PRKN: variants seen among roughly 807,000 people sequenced by gnomAD.
PRKN encodes parkin RBR E3 ubiquitin protein ligase.
PRKN carries 56 observed loss-of-function variants against 59.5 expected under a neutral mutation model. The ratio of observed to expected loss-of-function variants is 0.94; its 90% CI spans 0.76 to 1.18. The LOEUF (loss-of-function observed/expected upper bound fraction) is 1.18, where lower values mean the gene tolerates loss of function less well. PRKN is among the 50% of genes most tolerant of loss of function. The probability of loss-of-function intolerance (pLI) is 0.00; values close to 1 mark genes in which losing one functional copy is unlikely to be tolerated. For missense variants in PRKN, 657 were observed against 596.4 expected, an observed-to-expected ratio of 1.10 and a Z score of -1.06; for synonymous variants, 250 against 222.1, an observed-to-expected ratio of 1.13 and a Z score of -1.12.
chr6:161,899,731 C>T (rs1326745299), intron 6 of PRKN, among the ~76,000 whole-genome samples: 3 of 152,194 alleles, frequency 2.0e-5, no homozygotes, highest in South Asian at 4.1e-4. Flanking sequence ...TATTTTTCTC[C>T]AGTCATCTAC....
intron 4 of PRKN, among the ~76,000 whole-genome samples, chr6:162,086,094 A>T (rs1779235296): frequency 6.6e-6 from 1 of 152,176 alleles, no homozygotes; most frequent in Non-Finnish European, 1.5e-5. Flanking sequence ...AGCAGCTCAC[A>T]ATTAATGTAC....
intron 1 of PRKN, among the ~76,000 whole-genome samples, chr6:162,699,498 G>A (rs1474929278): frequency 6.6e-6 from 1 of 152,106 alleles, no homozygotes; most frequent in Non-Finnish European, 1.5e-5. Flanking sequence ...AATCAAAAGA[G>A]CTTAAGCTTA....
At chr6:161,638,738 A>ATTTT (rs386409169) in intron 7 of PRKN, among the ~76,000 whole-genome samples, 21,002 of 99,744 alleles carry the variant, frequency 0.21, 3,445 homozygotes, top group African/African-American at 0.27. Flanking sequence ...ACGAGATCTG[A>ATTTT]TTTTTTTTTT....
intron 7 of PRKN, among the ~76,000 whole-genome samples, chr6:161,701,627 T>A (rs1226435441): frequency 2.0e-5 from 3 of 152,178 alleles, no homozygotes; most frequent in Non-Finnish European, 2.9e-5. Flanking sequence ...AGACAATCAA[T>A]TAAAAATTTA....
rs138505415 is a variant in PRKN at position 161,360,932 on chromosome 6, A to G, written c.1168-727T>C. Reference sequence around the variant, plus strand: ...ATGAAACACCTTGTGCATTGGGGGTATGGAGGATTCTATGAGTTAATTTCT... The same window carrying G: ...ATGAAACACCTTGTGCATTGGGGGTGTGGAGGATTCTATGAGTTAATTTCT... On this transcript the variant is annotated intron_variant, in intron 10 of 11. Transcript: ENST00000366898. The surrounding 1 kb of genome is among the most constrained non-coding windows in gnomAD (Gnocchi z 5.1). Among the ~76,000 whole-genome samples, 200 of 152,264 alleles carry G rather than the reference A, an allele frequency of 1.3e-3. 1 individual carries two copies. The highest frequency in any genetic ancestry group is 2.3e-3 in the Non-Finnish European group (158 of 68,024).
chr6:162,141,594 T>C (rs1025810723), intron 4 of PRKN, among the ~76,000 whole-genome samples: 3 of 152,208 alleles, frequency 2.0e-5, no homozygotes, highest in African/African-American at 7.2e-5. Context: ...AAAGAAAACA[T>C]GCTTGATTTG....
At chr6:162,387,693 G>A (rs1262345213) in intron 2 of PRKN, among the ~76,000 whole-genome samples, 2 of 152,028 alleles carry the variant, frequency 1.3e-5, no homozygotes, top group African/African-American at 4.8e-5. Flanking sequence ...ACTTAAAAGT[G>A]GAATCAACAG....
intron 7 of PRKN, among the ~76,000 whole-genome samples, chr6:161,664,278 G>A (rs1429191550): frequency 1.3e-5 from 2 of 152,196 alleles, no homozygotes; most frequent in Non-Finnish European, 2.9e-5. Context: ...AATGTATTGG[G>A]TAGAGATGAG....
At chr6:162,584,121 G>C (rs1171772097) in intron 1 of PRKN, among the ~76,000 whole-genome samples, 1 of 151,608 alleles carries the variant, frequency 6.6e-6, no homozygotes, top group Non-Finnish European at 1.5e-5. Flanking sequence ...GCTGAGGCAG[G>C]AGAATGGTGT....
intron 1 of PRKN, among the ~76,000 whole-genome samples, chr6:162,711,962 G>A (rs1562517524): frequency 6.6e-6 from 1 of 152,162 alleles, no homozygotes; most frequent in Non-Finnish European, 1.5e-5. Context: ...AGAGATTCTG[G>A]TCGGGGAAGG....
intron 1 of PRKN, among the ~76,000 whole-genome samples, chr6:162,713,143 G>A (rs1208327528): frequency 1.3e-5 from 2 of 152,186 alleles, no homozygotes; most frequent in African/African-American, 4.8e-5. Context: ...GAATCAATCA[G>A]TCAAATAAAC....
intron 6 of PRKN, among the ~76,000 whole-genome samples, chr6:161,854,083 A>C (rs374897642): frequency 8.2e-6 from 1 of 122,436 alleles, no homozygotes; most frequent in Non-Finnish European, 1.8e-5. Context: ...CTGTTTCTAC[A>C]TAAAAAAAAA....
intron 2 of PRKN, among the ~76,000 whole-genome samples, chr6:162,346,453 CAAA>C (rs1554302783): frequency 2.0e-5 from 1 of 50,650 alleles, no homozygotes; most frequent in East Asian, 4.2e-4. Flanking sequence ...TCTGTCTCTA[CAAA>C]AAAAAAAAAA....
chr6:162,060,399 G>A (rs1778050752), intron 4 of PRKN, among the ~76,000 whole-genome samples: 1 of 152,178 alleles, frequency 6.6e-6, no homozygotes, highest in South Asian at 2.1e-4. Context: ...TAATGTTACT[G>A]TCTATAGAAA....
intron 7 of PRKN, among the ~76,000 whole-genome samples, chr6:161,728,244 G>GA (rs34388276): frequency 0.19 from 27,577 of 145,194 alleles, 6,188 homozygotes; most frequent in African/African-American, 0.54. Context: ...CAAAATGTGA[G>GA]AAAAAAAAAA....
intron 7 of PRKN, among the ~76,000 whole-genome samples, chr6:161,573,147 G>A (rs1410814955): frequency 6.6e-6 from 1 of 152,170 alleles, no homozygotes; most frequent in African/African-American, 2.4e-5. Flanking sequence ...TGGGGGAAGG[G>A]AGGCAGCCTA....
At chr6:161,843,157 T>C (rs996552679) in intron 6 of PRKN, among the ~76,000 whole-genome samples, 2 of 152,164 alleles carry the variant, frequency 1.3e-5, no homozygotes, top group African/African-American at 4.8e-5. Context: ...GATTGCATAA[T>C]TTAAGCCTCC....
chr6:162,684,427 T>C (rs1779889384), intron 1 of PRKN, among the ~76,000 whole-genome samples: 1 of 152,174 alleles, frequency 6.6e-6, no homozygotes, highest in South Asian at 2.1e-4. Context: ...TATTAAATGT[T>C]ACTTAGAGGT....
chr6:162,102,348 T>C (rs1583034542), intron 4 of PRKN, among the ~76,000 whole-genome samples: 1 of 152,188 alleles, frequency 6.6e-6, no homozygotes, highest in African/African-American at 2.4e-5. Flanking sequence ...TGCATTTAGG[T>C]GCCATGTCTC....
Sources: allele counts gnomAD v4.1 joint callset (sites outside exome capture counted in the v4.1 genomes callset), GRCh38; gene constraint gnomAD v4.1.1; non-coding constraint Gnocchi (gnomAD v3.1); transcripts MANE v1.5; gene names NCBI Gene and HGNC (gene_info 2026-07-23, HGNC 2026-07-21).